Variants in FANCM observed in about 807,000 individuals in gnomAD.
FANCM encodes Fanconi anemia group M protein.
FANCM carries 140 observed loss-of-function variants against 199.5 expected under a neutral mutation model. The observed-to-expected ratio is 0.70, with a 90% CI of 0.61 to 0.81. The LOEUF is 0.81. Ranked by LOEUF, FANCM falls within the 30% of genes least tolerant of loss-of-function variation. The probability of loss-of-function intolerance (pLI) is 0.00; values close to 1 mark genes in which losing one functional copy is unlikely to be tolerated. For missense variants in FANCM, 2,410 were observed against 2,421.4 expected (o/e 1.00, Z 0.10); for synonymous variants, 840 against 836.8 (o/e 1.00, Z -0.07).
At chr14:45,139,331 T>C (rs532546250) in intron 2 of FANCM, among the ~76,000 whole-genome samples, 1 of 152,342 alleles carries the variant, frequency 6.6e-6, no homozygotes, top group African/African-American at 2.4e-5. Context: ...CAAGATTCAG[T>C]GTTAGTCTCA....
Position 45,189,156 on chromosome 14 carries a change from T to C in FANCM, c.5134T>C (p.Ser1712Pro). Residue 1712 changes from serine (S) to proline (P), a missense_variant, in exon 20 of 23, where the codon TCT becomes CCT. Ser to Pro is a moderately conservative substitution (Grantham distance 74). Transcript: ENST00000267430. ...TTGTTTAAATTCAGTGCCTTCTGGA[T>C]CTTCTGCGCAGTCCAAGGTGCGTTC... is the stretch of plus-strand genomic sequence containing the variant. ...DHCLNSVPSG[S>P]SAQSKVRSTP... 1 of 1,614,192 alleles carries C rather than the reference T, an allele frequency of 6.2e-7. No individual in the cohort carries two copies. Among genetic ancestry groups the C allele is most frequent in the Admixed American group, 1.7e-5 (1 of 60,018 alleles).
At chr14:45,191,221 A>G (rs866080807) in intron 20 of FANCM, among the ~76,000 whole-genome samples, 2 of 152,098 alleles carry the variant, frequency 1.3e-5, no homozygotes, top group Non-Finnish European at 2.9e-5. Flanking sequence ...ACTTATTTGT[A>G]TGAATGTGTC....
chr14:45,155,662 G>A (rs1887134164), intron 8 of FANCM, among the ~76,000 whole-genome samples: 1 of 152,176 alleles, frequency 6.6e-6, no homozygotes, highest in African/African-American at 2.4e-5. Context: ...AGCCAGGCAT[G>A]GTGGCACATG....
chr14:45,144,688 G>A (rs1886239294), intron 3 of FANCM, among the ~76,000 whole-genome samples: 1 of 152,170 alleles, frequency 6.6e-6, no homozygotes, highest in African/African-American at 2.4e-5. Flanking sequence ...GGACTCTTCA[G>A]TCAGCTTGTG....
Position 45,179,561 on chromosome 14 carries a change from C to CT in FANCM, c.4223-1849dup, listed in dbSNP as rs36031280. 1.8e-3 allele frequency among the ~76,000 whole-genome samples: 174 copies of CT among 95,452 alleles called. 2 individuals carry two copies. Among genetic ancestry groups the CT allele is most frequent in the East Asian group, 4.5e-3 (17 of 3,772 alleles). 62.6% of individuals were successfully genotyped at this position (95,452 alleles called of 152,430 possible). On this transcript the variant is annotated intron_variant, in intron 14 of 22. Transcript: ENST00000267430. Reference sequence around the variant, plus strand: ...ATTAGGTACATCATTTTCTTTCTTTCTTTTTTTTTTTTTTTTTTTTGAGAC... The same window carrying CT: ...ATTAGGTACATCATTTTCTTTCTTTCTTTTTTTTTTTTTTTTTTTTTGAGAC...
chr14:45,187,209 CTT>C (rs79999116), intron 18 of FANCM, among the ~76,000 whole-genome samples: 45 of 136,888 alleles, frequency 3.3e-4, no homozygotes, highest in Admixed American at 5.1e-4. Context: ...AATTTCAAAG[CTT>C]TTTTTTTTTT....
Position 45,141,287 on chromosome 14 carries a change from C to CAAA in FANCM, c.759+597_759+599dup, listed in dbSNP as rs534567010. Reference sequence around the variant, plus strand: ...TGGGCGACAGAGCGAGGCTCCGTCTCAAAAAAAAAAAAAAAAAAAAAGAAA... The same window carrying CAAA: ...TGGGCGACAGAGCGAGGCTCCGTCTCAAAAAAAAAAAAAAAAAAAAAAAAGAAA... On this transcript the variant is annotated intron_variant, in intron 3 of 22. Transcript: ENST00000267430. 9.6e-4 allele frequency among the ~76,000 whole-genome samples: 43 copies of CAAA among 44,944 alleles called. 1 individual carries two copies. The highest frequency in any genetic ancestry group is 0.01 in the Middle Eastern group (1 of 100). 29.5% of individuals were successfully genotyped at this position (44,944 alleles called of 152,430 possible). A position where few individuals can be genotyped will look rare whatever the true frequency, so the allele number is the denominator to read the frequency against.
At chr14:45,154,209 T>C (rs2139169692) in intron 6 of FANCM, among the ~76,000 whole-genome samples, 157 bp downstream of exon 6, 1 of 152,182 alleles carries the variant, frequency 6.6e-6, no homozygotes, top group South Asian at 2.1e-4. Context: ...AAGACCAGCC[T>C]GGCCAACATG....
chr14:45,161,149 G>A (rs1260522281), intron 9 of FANCM, among the ~76,000 whole-genome samples: 1 of 152,008 alleles, frequency 6.6e-6, no homozygotes, highest in Non-Finnish European at 1.5e-5. Flanking sequence ...AGCTTGTCAG[G>A]CACCGTAAGA....
At chr14:45,149,088 T>C in intron 4 of FANCM, 93 bp downstream of exon 4, 2 of 1,058,196 alleles carry the variant, frequency 1.9e-6, no homozygotes, top group Non-Finnish European at 2.8e-6. Context: ...AATATAGTTA[T>C]CTTATTTTTA....
At chr14:45,150,624 G>A (rs1204144863) in intron 4 of FANCM, among the ~76,000 whole-genome samples, 1 of 152,048 alleles carries the variant, frequency 6.6e-6, no homozygotes, top group Non-Finnish European at 1.5e-5. Flanking sequence ...ACCTCACATG[G>A]TAGACATACC....
chr14:45,164,595 C>T (rs910030117), intron 10 of FANCM, 30 bp downstream of exon 10: 10 of 1,531,512 alleles, frequency 6.5e-6, no homozygotes, highest in Non-Finnish European at 9.0e-6. Flanking sequence ...CACAATTTGA[C>T]ACTTGAAATT....
intron 3 of FANCM, among the ~76,000 whole-genome samples, chr14:45,143,028 G>A (rs1886086342): frequency 6.6e-6 from 1 of 151,904 alleles, no homozygotes. Flanking sequence ...TCTTTTATAT[G>A]CATTAATTTG....
Position 45,176,596 on chromosome 14 carries a change from T to C in FANCM, c.3842T>C (p.Ile1281Thr). 6.2e-7 allele frequency: 1 copy of C among 1,609,692 alleles called. No individual in the cohort carries two copies. Among genetic ancestry groups the C allele is most frequent in the Non-Finnish European group, 8.5e-7 (1 of 1,178,144 alleles). ...AATTATGTTTCGAATCAAGCACTAA[T>C]ACCAAGAGATCATAGTAAAAATTTT... ...DANYVSNQAL[I>T]PRDHSKNFTS... Residue 1281 changes from isoleucine (I) to threonine (T), a missense_variant, in exon 14 of 23, where the codon ATA becomes ACA. Transcript: ENST00000267430.
At chr14:45,156,092 A>C (rs1354217682) in intron 8 of FANCM, among the ~76,000 whole-genome samples, 2 of 152,198 alleles carry the variant, frequency 1.3e-5, no homozygotes, top group South Asian at 4.1e-4. Context: ...GCTGTTTTAT[A>C]TAGCATGGTT....
At chr14:45,145,390 A>G (rs1164964646) in intron 3 of FANCM, among the ~76,000 whole-genome samples, 2 of 152,018 alleles carry the variant, frequency 1.3e-5, no homozygotes, top group East Asian at 3.9e-4. Flanking sequence ...CATTTGCAGG[A>G]ACTTAAGTTC....
intron 7 of FANCM, 56 bp from the exon 8 acceptor site, chr14:45,155,317 G>A (rs1887101827): frequency 1.3e-6 from 1 of 754,590 alleles, no homozygotes; most frequent in Admixed American, 2.0e-5. Flanking sequence ...ATACATTAGT[G>A]TAATTGAATA....
At chr14:45,147,810 T>G (rs1329688143) in intron 3 of FANCM, among the ~76,000 whole-genome samples, 2 of 151,714 alleles carry the variant, frequency 1.3e-5, no homozygotes, top group South Asian at 2.1e-4. Flanking sequence ...GGAGAATCGC[T>G]TGAACCCGGG....
Position 45,193,390 on chromosome 14 carries a change from TC to T in FANCM, c.5341-2779del, listed in dbSNP as rs574370862. Among the ~76,000 whole-genome samples the T allele has an allele frequency of 6.6e-5, 10 of 152,254 alleles. No homozygotes were observed. The South Asian group carries it at 1.9e-3, about 28-fold the overall frequency. ...CTAATTCCATACTCCTAGTGCTCCCTCCCACCAGGCTAGCAAACACCAGGTA... is the reference window on the plus strand; with the variant it reads ...CTAATTCCATACTCCTAGTGCTCCCTCCACCAGGCTAGCAAACACCAGGTA... On this transcript the variant is annotated intron_variant, in intron 20 of 22. Transcript: ENST00000267430.
Sources: allele counts gnomAD v4.1 joint callset (sites outside exome capture counted in the v4.1 genomes callset), GRCh38; gene constraint gnomAD v4.1.1; transcripts MANE v1.5; gene names NCBI Gene and HGNC (gene_info 2026-07-23, HGNC 2026-07-21).